The following PELI2 variants were observed in gnomAD, a reference collection of about 807,000 sequenced individuals.
PELI2 encodes the protein E3 ubiquitin-protein ligase pellino homolog 2.
A neutral mutation model predicts 42.3 loss-of-function variants in PELI2; 23 were observed. That is an observed-to-expected ratio of 0.54 (90% CI 0.39 to 0.77). The LOEUF (loss-of-function observed/expected upper bound fraction) is 0.77. Among genes scored for constraint, PELI2 ranks in the 30% least tolerant of loss-of-function variants. PELI2 has a pLI of 0.00. For synonymous variants in PELI2, 245 were observed against 212.2 expected (o/e 1.15, Z -1.34); for missense variants, 463 against 553.2 (o/e 0.84, Z 1.64).
chr14:56,224,062 GC>G lies in PELI2; in HGVS notation c.207+45599del, dbSNP rs1887252291. On this transcript the variant is annotated intron_variant, in intron 2 of 5. Transcript: ENST00000267460. ...TTATGTGAAAATATGGATGAACATG[GC>G]TTTTAAAAGGAGAAAAGAAAGGAGA... Among the ~76,000 whole-genome samples, 3 of 152,174 alleles carry G rather than the reference GC, an allele frequency of 2.0e-5. No homozygotes were observed. In the South Asian group the frequency reaches 6.2e-4, roughly 32 times the overall value.
intron 2 of PELI2, among the ~76,000 whole-genome samples, chr14:56,256,734 T>G (rs1888538742): frequency 6.6e-6 from 1 of 151,940 alleles, no homozygotes; most frequent in Admixed American, 6.6e-5. Flanking sequence ...TAGATCCTCT[T>G]AAATAACAAA....
At chr14:56,225,055 C>G (rs988154896) in intron 2 of PELI2, among the ~76,000 whole-genome samples, 2 of 152,124 alleles carry the variant, frequency 1.3e-5, no homozygotes, top group Non-Finnish European at 2.9e-5. Context: ...CATAGCCTAC[C>G]GTAATGCTGG....
chr14:56,225,595 C>T (rs974155406), intron 2 of PELI2, among the ~76,000 whole-genome samples: 4 of 152,162 alleles, frequency 2.6e-5, no homozygotes, highest in South Asian at 2.1e-4. Flanking sequence ...ACTGGGGACA[C>T]GCCAAGAGGG....
chr14:56,261,618 C>T (rs1219468976), intron 2 of PELI2, among the ~76,000 whole-genome samples: 2 of 152,258 alleles, frequency 1.3e-5, no homozygotes, highest in African/African-American at 4.8e-5. Flanking sequence ...CTTGCCCATC[C>T]ACTTAGGAAA....
chr14:56,267,971 AT>A (rs1363366138), intron 2 of PELI2, among the ~76,000 whole-genome samples: 1 of 152,182 alleles, frequency 6.6e-6, no homozygotes, highest in Non-Finnish European at 1.5e-5. Context: ...ATGGTAAGTC[AT>A]TGGGTATCTT....
chr14:56,148,794 T>C (rs1459440328), intron 1 of PELI2, among the ~76,000 whole-genome samples: 3 of 152,212 alleles, frequency 2.0e-5, no homozygotes, highest in East Asian at 1.9e-4. Flanking sequence ...CAGGGACTTT[T>C]CTTACATGTT....
intron 2 of PELI2, among the ~76,000 whole-genome samples, chr14:56,250,030 G>A (rs1888289824): frequency 6.6e-6 from 1 of 152,166 alleles, no homozygotes; most frequent in Non-Finnish European, 1.5e-5. Context: ...CCCTTTGCCT[G>A]TAGGTTTTGG....
intron 2 of PELI2, among the ~76,000 whole-genome samples, chr14:56,181,020 C>T (rs1885557721): frequency 6.6e-6 from 1 of 152,164 alleles, no homozygotes; most frequent in South Asian, 2.1e-4. Flanking sequence ...TCTCTTTCTC[C>T]CTGACTCCGT....
intron 2 of PELI2, among the ~76,000 whole-genome samples, chr14:56,234,580 A>G (rs1887714426): frequency 6.6e-6 from 1 of 152,138 alleles, no homozygotes; most frequent in Admixed American, 6.5e-5. Context: ...GGTGGGGAAC[A>G]TCGCACACCA....
At chr14:56,139,069 C>T (rs536199492) in intron 1 of PELI2, among the ~76,000 whole-genome samples, 2 of 152,318 alleles carry the variant, frequency 1.3e-5, no homozygotes, top group African/African-American at 4.8e-5. Context: ...GAGGGGGACT[C>T]ACTGAATAAG....
chr14:56,131,969 C>CT (rs888972678), intron 1 of PELI2, among the ~76,000 whole-genome samples: 3 of 152,256 alleles, frequency 2.0e-5, no homozygotes, highest in Admixed American at 2.0e-4. Flanking sequence ...GTGAGGAGGG[C>CT]TGGGCGGAGG....
At chr14:56,249,649 C>G (rs889148528) in intron 2 of PELI2, among the ~76,000 whole-genome samples, 1 of 152,168 alleles carries the variant, frequency 6.6e-6, no homozygotes, top group Non-Finnish European at 1.5e-5. Context: ...GCTTGTGTTC[C>G]CCTGAGGAGG....
chr14:56,280,872 C>T (rs191309831), intron 3 of PELI2, among the ~76,000 whole-genome samples: 2 of 152,148 alleles, frequency 1.3e-5, no homozygotes, highest in Admixed American at 1.3e-4. Context: ...AATCACTTTT[C>T]CCATGCTTTC....
Position 56,296,679 on chromosome 14 carries a change from A to G in PELI2, c.776A>G (p.Asp259Gly), listed in dbSNP as rs1890015490. The change falls in exon 6 of 6, where the codon GAT becomes GGT. Residue 259 changes from aspartate (D) to glycine (G), a missense_variant. Asp to Gly is a moderately conservative substitution (Grantham distance 94). Transcript: ENST00000267460. ...GCCACTCTCCTCTGGAGAACAGCAG[A>G]TGGGCTTTTTCATACTCCAACTCAG... ...CGATLLWRTA[D>G]GLFHTPTQKH... 1 of 1,614,040 alleles carries G rather than the reference A, an allele frequency of 6.2e-7. No individual in the cohort carries two copies. Among genetic ancestry groups the G allele is most frequent in the Non-Finnish European group, 8.5e-7 (1 of 1,180,010 alleles).
In PELI2 at chr14:56,219,181, G is replaced by GTGTT. The variant is rs1362162155; in HGVS notation, c.207+40723_207+40726dup. Among the ~76,000 whole-genome samples, 1 of 151,666 alleles carries GTGTT rather than the reference G, an allele frequency of 6.6e-6. No individual in the cohort carries two copies. The highest frequency in any genetic ancestry group is 1.9e-4 in the East Asian group (1 of 5,162). ...TTTTGGATGACTTGAGGACAATAAG[G>GTGTT]TGTTTGTTTATTTATTTATTTATTT... On this transcript the variant is annotated intron_variant, in intron 2 of 5. Coordinates refer to ENST00000267460, the MANE Select transcript of PELI2 (RefSeq NM_021255.3). The surrounding 1 kb of genome is among the most constrained non-coding windows in gnomAD (Gnocchi z 4.1).
chr14:56,297,003 C>T lies in PELI2; in HGVS notation c.1100C>T (p.Thr367Ile). ...GCAGGACCGCCAACTCATGCTTTCA[C>T]TCCCTGTGGACACGTGTGCTCGGAG... ...VDAGPPTHAFTPCGHVCSEKS... is the reference protein window; with the variant it reads ...VDAGPPTHAFIPCGHVCSEKS... The change falls in exon 6 of 6, where the codon ACT becomes ATT. Residue 367 changes from threonine (T) to isoleucine (I), a missense_variant. This residue lies in a region of PELI2 where 103 missense variants were observed against 129.6 expected (regional missense o/e 0.80). Coordinates refer to ENST00000267460, the MANE Select transcript of PELI2 (RefSeq NM_021255.3). The T allele has an allele frequency of 6.2e-7, 1 of 1,614,178 alleles. No homozygotes were observed. Among genetic ancestry groups the T allele is most frequent in the Non-Finnish European group, 8.5e-7 (1 of 1,180,034 alleles).
intron 2 of PELI2, among the ~76,000 whole-genome samples, chr14:56,260,150 A>G (rs893318800): frequency 3.3e-5 from 5 of 152,024 alleles, no homozygotes; most frequent in African/African-American, 2.4e-5. Context: ...TGACCCAGCA[A>G]TCCCCCTCTA....
At chr14:56,199,741 A>G (rs2078091494) in intron 2 of PELI2, among the ~76,000 whole-genome samples, 1 of 152,232 alleles carries the variant, frequency 6.6e-6, no homozygotes. Context: ...AAATCTGTAA[A>G]TATGTATGAT....
intron 1 of PELI2, among the ~76,000 whole-genome samples, chr14:56,124,459 G>A (rs993466329): frequency 6.6e-6 from 1 of 152,228 alleles, no homozygotes; most frequent in Non-Finnish European, 1.5e-5. Flanking sequence ...CAGGCATGAG[G>A]AATACAGCTA....
Sources: allele counts gnomAD v4.1 joint callset (sites outside exome capture counted in the v4.1 genomes callset), GRCh38; gene constraint gnomAD v4.1.1; regional missense constraint gnomAD v4.1.1; non-coding constraint Gnocchi (gnomAD v3.1); transcripts MANE v1.5; gene names NCBI Gene and HGNC (gene_info 2026-07-23, HGNC 2026-07-21).